The following MIGA1 variants were observed in gnomAD, a reference collection of about 807,000 sequenced individuals.
MIGA1 encodes the protein family with sequence similarity 73, member A.
A neutral mutation model predicts 82.0 loss-of-function variants in MIGA1; 58 were observed. That is an observed-to-expected ratio of 0.71 (90% CI 0.57 to 0.88). The LOEUF is 0.88. MIGA1 is among the 40% of genes least tolerant of loss of function. The pLI is 0.00. For synonymous variants in MIGA1, 249 were observed against 253.6 expected, an observed-to-expected ratio of 0.98 and a Z score of 0.17; for missense variants, 751 against 749.1, an observed-to-expected ratio of 1.00 and a Z score of -0.03.
At chr1:77,840,588 G>A (rs753927205) in intron 7 of MIGA1, among the ~76,000 whole-genome samples, 2 of 152,064 alleles carry the variant, frequency 1.3e-5, no homozygotes, top group African/African-American at 2.4e-5. Flanking sequence ...GGAGGCGGGC[G>A]GGTCACCTGA....
At chr1:77,842,242 G>A (rs931278594) in intron 7 of MIGA1, among the ~76,000 whole-genome samples, 2 of 152,166 alleles carry the variant, frequency 1.3e-5, no homozygotes, top group Admixed American at 6.5e-5. Flanking sequence ...TATGTAAGAA[G>A]GAAAGTATTT....
In MIGA1 at chr1:77,876,365, C is replaced by T. The variant is rs1212368119; in HGVS notation, c.*1301C>T. ...AAATGAATTGACATTGAGAAATTTACAATTTACAAATTTATATTAACTGTA... is the reference window on the plus strand; with the variant it reads ...AAATGAATTGACATTGAGAAATTTATAATTTACAAATTTATATTAACTGTA... On this transcript the variant is annotated 3_prime_UTR_variant, in exon 16 of 16. Transcript: ENST00000370791. 1 of 152,170 alleles carries T rather than the reference C, an allele frequency of 6.6e-6. No individual in the cohort carries two copies. The highest frequency in any genetic ancestry group is 2.4e-5 in the African/African-American group (1 of 41,432). The allele number at this position is 152,170 out of a possible 1,614,324, so 9.4% of individuals were successfully genotyped here. A position where few individuals can be genotyped will look rare whatever the true frequency, so the allele number is the denominator to read the frequency against.
Position 77,803,288 on chromosome 1 carries a change from G to A in MIGA1, c.392G>A (p.Ser131Asn). The stretch of plus-strand genomic sequence containing the variant: ...TTGATAGGTTCAAGTTGTTCCAGTA[G>A]CAGACAGAATTTGACATTATCTTTA... The change falls in exon 4 of 16, where the codon AGC becomes AAC. Residue 131 changes from serine (S) to asparagine (N), a missense_variant. By Grantham distance (46) the Ser-to-Asn change is conservative (BLOSUM62 1). This residue lies in a region of MIGA1 where 482 missense variants were observed against 439.4 expected (regional missense o/e 1.10). Coordinates refer to ENST00000370791, the MANE Select transcript of MIGA1 (RefSeq NM_198549.4). The A allele has an allele frequency of 6.5e-7, 1 of 1,531,508 alleles. No individual in the cohort carries two copies. The allele number at this position is 1,531,508 out of a possible 1,614,324, so 94.9% of individuals were successfully genotyped here. A position where few individuals can be genotyped will look rare whatever the true frequency, so the allele number is the denominator to read the frequency against.
rs535405244 is a variant in MIGA1, at chr1:77,807,204, C to G, written c.637+103C>G. On this transcript the variant is annotated intron_variant, in intron 5 of 15. Coordinates refer to ENST00000370791, the MANE Select transcript of MIGA1 (RefSeq NM_198549.4). ...ACAGACAGGGTCTCACTCTGTCACC[C>G]AGGCTGGAGTACGGTGGCGCGATTA... The G allele has an allele frequency of 6.5e-6, 6 of 917,068 alleles. No individual in the cohort carries two copies. The Admixed American group carries it at 1.5e-4, about 22-fold the overall frequency. 56.8% of individuals were successfully genotyped at this position (917,068 alleles called of 1,614,324 possible). A position where few individuals can be genotyped will look rare whatever the true frequency, so the allele number is the denominator to read the frequency against.
intron 8 of MIGA1, among the ~76,000 whole-genome samples, chr1:77,852,942 C>T (rs772888483): frequency 2.6e-5 from 4 of 152,142 alleles, no homozygotes; most frequent in Non-Finnish European, 4.4e-5. Flanking sequence ...CCGCCTGCCT[C>T]GGCCTCCCAA....
chr1:77,827,996 T>C (rs1386373107), intron 7 of MIGA1, among the ~76,000 whole-genome samples: 1 of 152,060 alleles, frequency 6.6e-6, no homozygotes, highest in Non-Finnish European at 1.5e-5. Context: ...AGGAGGAGGC[T>C]GCAGTGAACC....
At chr1:77,861,518 C>T (rs919631904) in intron 12 of MIGA1, 196 bp downstream of exon 12, 2 of 494,032 alleles carry the variant, frequency 4.0e-6, no homozygotes, top group Non-Finnish European at 7.1e-6. Flanking sequence ...TTCTAAGAAG[C>T]CTTTTTTGCT....
chr1:77,808,728 G>T, intron 5 of MIGA1, among the ~76,000 whole-genome samples: 1 of 152,182 alleles, frequency 6.6e-6, no homozygotes, highest in South Asian at 2.1e-4. Context: ...CAGTAAACTT[G>T]ATGTGGCCTT....
chr1:77,875,438 T>C lies in MIGA1; in HGVS notation c.*374T>C, dbSNP rs906574111. ...TTTAAAATGTACACTTTAGCCAAGGTCTTTGTGGCCCACACATGCAAGAAT... is the reference window on the plus strand; with the variant it reads ...TTTAAAATGTACACTTTAGCCAAGGCCTTTGTGGCCCACACATGCAAGAAT... On this transcript the variant is annotated 3_prime_UTR_variant, in exon 16 of 16. Coordinates refer to ENST00000370791, the MANE Select transcript of MIGA1 (RefSeq NM_198549.4). 7.3e-5 allele frequency: 13 copies of C among 178,244 alleles called. No homozygotes were observed. Among genetic ancestry groups the C allele is most frequent in the Non-Finnish European group, 1.2e-5 (1 of 84,156 alleles). 11.0% of individuals were successfully genotyped at this position (178,244 alleles called of 1,614,324 possible).
intron 10 of MIGA1, 135 bp from the exon 11 acceptor site, chr1:77,859,905 C>A (rs953504373): frequency 9.5e-5 from 57 of 599,262 alleles, no homozygotes; most frequent in Non-Finnish European, 1.4e-4. Flanking sequence ...TTAGGACTTT[C>A]TCTGTGAGCT....
At chr1:77,787,353 C>G (rs1413898725) in intron 2 of MIGA1, among the ~76,000 whole-genome samples, 1 of 150,554 alleles carries the variant, frequency 6.6e-6, no homozygotes, top group African/African-American at 2.4e-5. Flanking sequence ...TTATATGTAT[C>G]CTTTGAAGAA....
chr1:77,832,515 C>G (rs75407441), intron 7 of MIGA1, among the ~76,000 whole-genome samples: 7,200 of 152,208 alleles, frequency 0.047, 230 homozygotes, highest in East Asian at 0.11. Context: ...TGTGATTATT[C>G]ATGGAGCGGG....
chr1:77,833,938 T>G (rs1684334582), intron 7 of MIGA1, among the ~76,000 whole-genome samples: 1 of 152,254 alleles, frequency 6.6e-6, no homozygotes, highest in South Asian at 2.1e-4. Flanking sequence ...GCAGCTGTAC[T>G]TCCCAGTTAG....
chr1:77,865,733 T>TTC (rs1280092412), intron 13 of MIGA1, among the ~76,000 whole-genome samples: 1 of 152,172 alleles, frequency 6.6e-6, no homozygotes, highest in East Asian at 1.9e-4. Context: ...ATCTCCTTTG[T>TTC]TCCAGAGTGC....
rs1344828796 is a variant in MIGA1, at chr1:77,803,155, C to T, written c.374-115C>T. 26 of 472,600 alleles carry T rather than the reference C, an allele frequency of 5.5e-5. No individual in the cohort carries two copies. The East Asian group carries it at 9.3e-4, about 17-fold the overall frequency. 29.3% of individuals were successfully genotyped at this position (472,600 alleles called of 1,614,324 possible). A position where few individuals can be genotyped will look rare whatever the true frequency, so the allele number is the denominator to read the frequency against. Reference sequence around the variant, plus strand: ...TAATAATTTACACAAGTGAGTGATGCATGTTTTAAAATTAGAAGCTTTCTG... The same window carrying T: ...TAATAATTTACACAAGTGAGTGATGTATGTTTTAAAATTAGAAGCTTTCTG... On this transcript the variant is annotated intron_variant, in intron 3 of 15. Transcript: ENST00000370791.
At position 77,860,080 on chromosome 1, in the gene MIGA1, A is replaced by G; in HGVS notation, c.1229A>G (p.Glu410Gly). 6.2e-7 allele frequency: 1 copy of G among 1,612,276 alleles called. No homozygotes were observed. The highest frequency in any genetic ancestry group is 8.5e-7 in the Non-Finnish European group (1 of 1,179,286). ...TCAGCTAACAGGATATTCCTCGCTGAGAGCGGAAGGAAAATTTTATCAGCT... is the reference window on the plus strand; with the variant it reads ...TCAGCTAACAGGATATTCCTCGCTGGGAGCGGAAGGAAAATTTTATCAGCT... Residue 410 changes from glutamate to glycine, a missense_variant, in exon 11 of 16, where the codon GAG (glutamate) becomes GGG (glycine). Glu to Gly is a moderately conservative substitution (Grantham distance 98). Coordinates refer to ENST00000370791, the MANE Select transcript of MIGA1 (RefSeq NM_198549.4).
intron 4 of MIGA1, 22 bp from the exon 5 acceptor site, chr1:77,806,953 C>G (rs1683123231): frequency 6.3e-7 from 1 of 1,586,188 alleles, no homozygotes; most frequent in Middle Eastern, 1.7e-4. Context: ...TTTGAAGTAA[C>G]TTCTATCCAT....
intron 8 of MIGA1, among the ~76,000 whole-genome samples, chr1:77,855,007 C>G (rs191547524): frequency 1.3e-5 from 2 of 152,142 alleles, no homozygotes; most frequent in African/African-American, 4.8e-5. Context: ...ATGTTATCTT[C>G]TAGAGTTTTT....
intron 2 of MIGA1, among the ~76,000 whole-genome samples, chr1:77,797,575 G>A (rs1231175111): frequency 6.6e-6 from 1 of 151,940 alleles, no homozygotes; most frequent in Non-Finnish European, 1.5e-5. Flanking sequence ...AGATCAAATT[G>A]GAGAGAAAAA....
Sources: gnomAD v4.1 joint callset for allele counts (sites outside exome capture counted in the v4.1 genomes callset) on GRCh38, gnomAD v4.1.1 for gene constraint, gnomAD v4.1.1 regional missense constraint, MANE v1.5 for transcripts, NCBI Gene and HGNC (gene_info 2026-07-23, HGNC 2026-07-21) for gene names.